Variants in ZFHX3 observed in about 807,000 individuals in gnomAD.
ZFHX3 encodes zinc finger homeobox 3.
In ZFHX3, 42 loss-of-function variants were observed where a neutral mutation model predicts 279.1. The ratio of observed to expected loss-of-function variants is 0.15; its 90% CI spans 0.12 to 0.19. The LOEUF is 0.19. Among genes scored for constraint, ZFHX3 ranks in the 10% least tolerant of loss-of-function variants. The pLI is 1.00. For missense variants in ZFHX3, 4,981 were observed against 4,754.0 expected (o/e 1.05, Z -1.40); for synonymous variants, 2,293 against 1,957.8 (o/e 1.17, Z -4.52).
chr16:73,140,979 C>G (rs1484955577), intron 6 of ZFHX3, among the ~76,000 whole-genome samples: 1 of 152,202 alleles, frequency 6.6e-6, no homozygotes, highest in South Asian at 2.1e-4. Context: ...TGACTTCTCT[C>G]TAGCCTTCTC....
chr16:73,640,994 G>A (rs943035995), intron 2 of ZFHX3, among the ~76,000 whole-genome samples: 6 of 152,146 alleles, frequency 3.9e-5, no homozygotes, highest in South Asian at 2.1e-4. Flanking sequence ...GAATGGCATC[G>A]ATCTTCTCAG....
Position 73,109,594 on chromosome 16 carries a change from G to A in ZFHX3, c.-896-15996C>T, listed in dbSNP as rs555878887. Among the ~76,000 whole-genome samples, 11 of 152,120 alleles carry A rather than the reference G, an allele frequency of 7.2e-5. No homozygotes were observed. The South Asian group carries it at 1.7e-3, about 23-fold the overall frequency. On this transcript the variant is annotated intron_variant, in intron 7 of 17. Transcript: ENST00000641206. Reference sequence around the variant, plus strand: ...TAAAAATTTTCCGGTGCAGTGCCTCGTGCCTGTAATTTGGGAGGCCAAGGC... The same window carrying A: ...TAAAAATTTTCCGGTGCAGTGCCTCATGCCTGTAATTTGGGAGGCCAAGGC...
At chr16:73,808,331 T>C (rs1960340116) in intron 1 of ZFHX3, 2 of 152,258 alleles carry the variant, frequency 1.3e-5, no homozygotes, top group African/African-American at 4.8e-5. Context: ...TAGTTGAAAT[T>C]CTTGTTTTCT....
chr16:73,400,492 G>A (rs1210492107), intron 3 of ZFHX3: 2 of 152,190 alleles, frequency 1.3e-5, no homozygotes, highest in African/African-American at 2.4e-5. Context: ...CTCCACGGGG[G>A]TCAGTCTGAC....
At chr16:72,838,527 A>T (rs1301307828) in intron 4 of ZFHX3, among the ~76,000 whole-genome samples, 1 of 152,138 alleles carries the variant, frequency 6.6e-6, no homozygotes, top group Non-Finnish European at 1.5e-5. Flanking sequence ...TCCCCGAGAA[A>T]ATTTCCCCTT....
chr16:73,052,934 G>A (rs569423639), upstream of ZFHX3, among the ~76,000 whole-genome samples: 3 of 152,268 alleles, frequency 2.0e-5, no homozygotes, highest in East Asian at 1.9e-4. Flanking sequence ...GCCACGGAAG[G>A]GGGGAGAGGT....
At chr16:73,445,722 C>T (rs540579481) in intron 3 of ZFHX3, among the ~76,000 whole-genome samples, 2 of 152,292 alleles carry the variant, frequency 1.3e-5, no homozygotes, top group East Asian at 1.9e-4. Context: ...GAGCTTTGAC[C>T]TTCTGAGGCT....
chr16:73,448,114 C>A (rs1312815878), intron 3 of ZFHX3, among the ~76,000 whole-genome samples: 1 of 152,000 alleles, frequency 6.6e-6, no homozygotes, highest in Non-Finnish European at 1.5e-5. Flanking sequence ...GGGGCAGGGG[C>A]AGATATTAAT....
intron 5 of ZFHX3, among the ~76,000 whole-genome samples, chr16:73,247,922 T>C (rs527972475): frequency 2.6e-5 from 4 of 152,012 alleles, no homozygotes; most frequent in East Asian, 3.9e-4. Context: ...TATGTGCTTG[T>C]ATGTGGAGTG....
rs111909549 is a variant in ZFHX3 at position 73,258,252 on chromosome 16, C to T, written c.-1193-1116G>A. 6.6e-5 allele frequency among the ~76,000 whole-genome samples: 10 copies of T among 152,072 alleles called. 1 individual carries two copies. The highest frequency in any genetic ancestry group is 2.2e-4 in the African/African-American group (9 of 41,452). On this transcript the variant is annotated intron_variant, in intron 4 of 17. Transcript: ENST00000641206. ...GTTAAGGGAATCATCCAATATCACA[C>T]AATTGGCAAGCATTGGAAAAGATTT...
intron 3 of ZFHX3, chr16:73,318,369 C>G (rs2015501924): frequency 6.6e-6 from 1 of 152,250 alleles, no homozygotes; most frequent in Non-Finnish European, 1.5e-5. Flanking sequence ...TTAGAGTCAC[C>G]TTTAATCTCA....
chr16:73,434,840 G>C (rs901752910), intron 3 of ZFHX3, among the ~76,000 whole-genome samples: 6 of 152,150 alleles, frequency 3.9e-5, no homozygotes, highest in African/African-American at 9.7e-5. Flanking sequence ...GGGAAAACAA[G>C]CAGCTTGGCT....
chr16:73,423,312 C>T (rs1413669610), intron 3 of ZFHX3, among the ~76,000 whole-genome samples: 1 of 152,162 alleles, frequency 6.6e-6, no homozygotes, highest in African/African-American at 2.4e-5. Flanking sequence ...CTAACATTTC[C>T]TCTTTTGCTC....
At chr16:73,527,802 G>A (rs7201242) in intron 2 of ZFHX3, among the ~76,000 whole-genome samples, 2,438 of 152,306 alleles carry the variant, frequency 0.016, 62 homozygotes, top group African/African-American at 0.056. Context: ...AGTCACGTGT[G>A]TGAACTTGGA....
chr16:73,321,787 T>G (rs1361457105), intron 3 of ZFHX3, among the ~76,000 whole-genome samples: 3 of 152,002 alleles, frequency 2.0e-5, no homozygotes. Context: ...TTTGTCCCTC[T>G]CCCCCAAAGG....
rs542747813 is a variant in ZFHX3, at chr16:73,757,055, C to A, written c.-1607-76815G>T. 1.2e-4 allele frequency among the ~76,000 whole-genome samples: 19 copies of A among 152,178 alleles called. 1 individual carries two copies. The East Asian group carries it at 3.3e-3, about 26-fold the overall frequency. On this transcript the variant is annotated intron_variant, in intron 1 of 17. Coordinates refer to the ZFHX3 transcript ENST00000641206. ...CACCATAAGGAAATGCAGGAACAAACGTGGGCTTACAGATGCTTCAGTGTC... is the reference window on the plus strand; with the variant it reads ...CACCATAAGGAAATGCAGGAACAAAAGTGGGCTTACAGATGCTTCAGTGTC...
rs866882206 is a variant in ZFHX3 at position 72,888,662 on chromosome 16, G to T, written c.3448+1069C>A. 4.6e-5 allele frequency among the ~76,000 whole-genome samples: 7 copies of T among 152,346 alleles called. No homozygotes were observed. The South Asian group carries it at 1.4e-3, about 32-fold the overall frequency. On this transcript the variant is annotated intron_variant, in intron 4 of 9. Coordinates refer to ENST00000268489, the MANE Select transcript of ZFHX3 (RefSeq NM_006885.4). ...CGGAAGCCAAGGGAAGGCAAGGGAA[G>T]GGGAAGGGAGCTTCAAGAAAGGGCT...
intron 2 of ZFHX3, among the ~76,000 whole-genome samples, chr16:73,493,854 G>A (rs2019093234): frequency 6.6e-6 from 1 of 152,078 alleles, no homozygotes; most frequent in Admixed American, 6.5e-5. Flanking sequence ...CATGTCATCT[G>A]GCACTCTGTC....
intron 3 of ZFHX3, among the ~76,000 whole-genome samples, chr16:73,392,559 T>C (rs1418947429): frequency 2.6e-5 from 4 of 151,214 alleles, no homozygotes; most frequent in Non-Finnish European, 4.4e-5. Context: ...AGGAGCTAGA[T>C]AGGGGATTTT....
Sources: gnomAD v4.1 joint callset for allele counts (sites outside exome capture counted in the v4.1 genomes callset) on GRCh38, gnomAD v4.1.1 for gene constraint, MANE v1.5 for transcripts, NCBI Gene and HGNC (gene_info 2026-07-23, HGNC 2026-07-21) for gene names.